The following PTPRS variants were observed in gnomAD, a reference collection of about 807,000 sequenced individuals.
The protein encoded by PTPRS is protein tyrosine phosphatase receptor type S, also known as receptor-type tyrosine-protein phosphatase S.
PTPRS carries 63 observed loss-of-function variants against 215.3 expected under a neutral mutation model. That is an observed-to-expected ratio of 0.29 (90% CI 0.24 to 0.36). The LOEUF (loss-of-function observed/expected upper bound fraction) is 0.36. Among genes scored for constraint, PTPRS ranks in the 10% least tolerant of loss-of-function variants. PTPRS has a pLI of 1.00. For missense variants in PTPRS, 2,258 were observed against 2,825.8 expected (o/e 0.80, Z 4.56); for synonymous variants, 1,404 against 1,191.4 (o/e 1.18, Z -3.68).
chr19:5,206,658 T>C lies in PTPRS; in HGVS notation c.*116A>G, dbSNP rs2040388428. The C allele has an allele frequency of 2.3e-6, 2 of 857,252 alleles. No homozygotes were observed. Among genetic ancestry groups the C allele is most frequent in the Non-Finnish European group, 3.8e-6 (2 of 529,558 alleles). The allele number at this position is 857,252 out of a possible 1,614,324, so 53.1% of individuals were successfully genotyped here. On this transcript the variant is annotated 3_prime_UTR_variant, in exon 38 of 38. Coordinates refer to ENST00000262963, the MANE Select transcript of PTPRS (RefSeq NM_002850.4). ...CTCGGAAATGGTGCAGAAACACAGC[T>C]GCTGCCGCTGCCACCTCCTGCCCTG...
At chr19:5,255,191 G>A (rs1484608728) in intron 9 of PTPRS, among the ~76,000 whole-genome samples, 3 of 152,182 alleles carry the variant, frequency 2.0e-5, no homozygotes, top group African/African-American at 7.2e-5. Context: ...CTACCTCTGG[G>A]GAAAGAGGAG....
chr19:5,292,559 C>A (rs2048908918), intron 1 of PTPRS, among the ~76,000 whole-genome samples: 1 of 152,206 alleles, frequency 6.6e-6, no homozygotes, highest in African/African-American at 2.4e-5. Context: ...CACCACAGGC[C>A]CCTCCCTGAG....
intron 1 of PTPRS, among the ~76,000 whole-genome samples, chr19:5,314,166 C>T (rs1293543435): frequency 1.3e-5 from 2 of 152,092 alleles, no homozygotes; most frequent in Middle Eastern, 3.2e-3. Context: ...ACAGCTTCAG[C>T]TGAGTTCAGT....
At chr19:5,206,908 C>T in intron 37 of PTPRS, 66 bp from the exon 38 acceptor site, 1 of 1,481,418 alleles carries the variant, frequency 6.8e-7, no homozygotes, top group South Asian at 1.1e-5. Flanking sequence ...CTCCCTATCG[C>T]CCTCAGGAGC....
At chr19:5,337,473 C>T (rs2147327869) in intron 1 of PTPRS, among the ~76,000 whole-genome samples, 1 of 152,340 alleles carries the variant, frequency 6.6e-6, no homozygotes, top group Admixed American at 6.5e-5. Context: ...GAATAATCAG[C>T]GAAGCCACAG....
rs1408799330 is a variant in PTPRS, at chr19:5,210,104, T to C, written c.5487+365A>G. Among the ~76,000 whole-genome samples, 1 of 152,122 alleles carries C rather than the reference T, an allele frequency of 6.6e-6. No individual in the cohort carries two copies. The highest frequency in any genetic ancestry group is 1.5e-5 in the Non-Finnish European group (1 of 68,018). The stretch of plus-strand genomic sequence containing the variant: ...CACCCAACGGTGCCAGTCCCCACCA[T>C]CTGACTCTCCTTGTCCACCGTCTAC... On this transcript the variant is annotated intron_variant, in intron 35 of 37. Coordinates refer to ENST00000262963, the MANE Select transcript of PTPRS (RefSeq NM_002850.4). This position sits in a 1 kb window ranked among gnomAD's most constrained non-coding sequence, Gnocchi z 4.5.
chr19:5,231,325 G>A lies in PTPRS; in HGVS notation c.2140C>T (p.Arg714Cys), dbSNP rs776822913. The A allele has an allele frequency of 7.5e-6, 12 of 1,608,794 alleles. No homozygotes were observed. Among genetic ancestry groups the A allele is most frequent in the African/African-American group, 1.3e-5 (1 of 74,874 alleles). The change falls in exon 14 of 38, where the codon CGC becomes TGC. Residue 714 changes from arginine to cysteine, a missense_variant. Coordinates refer to ENST00000262963, the MANE Select transcript of PTPRS (RefSeq NM_002850.4). ...AGGTACTTACCATCCTCGTCGGTGC[G>A]GACGACCACGGGCGAGCTCTCGGGC... ...PGPESSPVVV[R>C]TDEDVPSAPP...
intron 14 of PTPRS, 73 bp from the exon 15 acceptor site, chr19:5,229,757 C>G: frequency 2.1e-6 from 2 of 948,950 alleles, no homozygotes; most frequent in Non-Finnish European, 2.7e-6. Context: ...CCGGGCAGTG[C>G]CACTGTCCGA....
chr19:5,243,752 G>A (rs541364707), intron 11 of PTPRS, 149 bp downstream of exon 11: 6 of 801,442 alleles, frequency 7.5e-6, no homozygotes, highest in African/African-American at 1.8e-5. Flanking sequence ...GATTACAGGC[G>A]TAAACCACCA....
Position 5,206,842 on chromosome 19 carries a change from C to G in PTPRS, c.5779G>C (p.Asp1927His), listed in dbSNP as rs1230180081. 1.9e-6 allele frequency: 3 copies of G among 1,613,932 alleles called. No individual in the cohort carries two copies. The highest frequency in any genetic ancestry group is 2.5e-6 in the Non-Finnish European group (3 of 1,179,942). ...TQRPAMVQTE[D>H]EYQFCYQAAL... is the part of the protein sequence containing the mutation. ...GCCTGGTAACAGAACTGGTACTCAT[C>G]CTGGGGGAGCAGAGGTGACCTGTTA... The change falls in exon 38 of 38, where the codon GAT becomes CAT. Residue 1927 changes from aspartate to histidine, a missense_variant and splice_region_variant. By Grantham distance (81) the Asp-to-His change is moderately conservative. Transcript: ENST00000262963.
intron 26 of PTPRS, 102 bp downstream of exon 26, chr19:5,216,618 G>T (rs1326984973): frequency 9.8e-7 from 1 of 1,016,088 alleles, no homozygotes; most frequent in Non-Finnish European, 1.5e-6. Flanking sequence ...GCCGGTGATG[G>T]GTGGGCGTGT....
At chr19:5,243,584 A>T (rs1476351868) in intron 11 of PTPRS, among the ~76,000 whole-genome samples, 1 of 151,664 alleles carries the variant, frequency 6.6e-6, no homozygotes, top group Non-Finnish European at 1.5e-5. Context: ...GGTTCAAGTG[A>T]TTCTCCTGCC....
intron 1 of PTPRS, among the ~76,000 whole-genome samples, chr19:5,290,955 A>C (rs184476023): frequency 1.1e-3 from 167 of 151,884 alleles, no homozygotes; most frequent in African/African-American, 3.9e-3. Flanking sequence ...CAGCAAGCAC[A>C]GGCTCTGTGG....
At position 5,315,359 on chromosome 19, in the gene PTPRS, T is replaced by C. The variant is rs1376794754; in HGVS notation, c.-95+25305A>G. Among the ~76,000 whole-genome samples the C allele has an allele frequency of 3.0e-3, 258 of 85,594 alleles. 22 individuals carry two copies. Among genetic ancestry groups the C allele is most frequent in the East Asian group, 0.02 (65 of 3,256 alleles). The allele number at this position is 85,594 out of a possible 152,430, so 56.2% of individuals were successfully genotyped here. On this transcript the variant is annotated intron_variant, in intron 1 of 37. Transcript: ENST00000262963. ...ATTTTTATTTGAAAAGGGTTTTTTT[T>C]TTTTTTTTTTTTTTTTTTTTTTGAG...
In PTPRS at chr19:5,206,825, A is replaced by G. The variant is rs780460108; in HGVS notation, c.5796T>C (p.Cys1932=). ...CGAGGTACTCCAGTGCCGCCTGGTA[A>G]CAGAACTGGTACTCATCCTGGGGGA... The part of the protein sequence containing the change: ...MVQTEDEYQF[C]YQAALEYLGS... The change falls in exon 38 of 38, where the codon TGT becomes TGC. Residue 1932 remains cysteine, a synonymous_variant. Coordinates refer to ENST00000262963, the MANE Select transcript of PTPRS (RefSeq NM_002850.4). 5.6e-6 allele frequency: 9 copies of G among 1,614,062 alleles called. No individual in the cohort carries two copies. Among genetic ancestry groups the G allele is most frequent in the African/African-American group, 2.7e-5 (2 of 75,034 alleles).
intron 2 of PTPRS, chr19:5,277,968 G>A (rs1190306311): frequency 6.7e-6 from 10 of 1,481,624 alleles, no homozygotes; most frequent in Non-Finnish European, 8.4e-6. Flanking sequence ...GAAGTTCCTG[G>A]TCCCCAGCGT....
intron 1 of PTPRS, among the ~76,000 whole-genome samples, chr19:5,291,764 C>T (rs542690998): frequency 1.3e-5 from 2 of 152,100 alleles, no homozygotes; most frequent in African/African-American, 4.8e-5. Context: ...AGCCCCGTTC[C>T]TCCTCTGCTC....
Position 5,231,489 on chromosome 19 carries a change from C to T in PTPRS, c.1976G>A (p.Arg659Gln), listed in dbSNP as rs889829498. ...GALVGYSVRY[R>Q]PLGSEDPEPK... ...TTCCGGGTCCTCTGAGCCCAGCGGT[C>T]GGTAGCGGACGCTGTAGCCCACCAG... is the stretch of plus-strand genomic sequence containing the variant. The change falls in exon 14 of 38, where the codon CGA becomes CAA. Residue 659 changes from arginine to glutamine, a missense_variant. By Grantham distance (43) the Arg-to-Gln change is conservative (BLOSUM62 1). This residue lies in a region of PTPRS where 371 missense variants were observed against 446.7 expected (regional missense o/e 0.83). Coordinates refer to ENST00000262963, the MANE Select transcript of PTPRS (RefSeq NM_002850.4). 1.9e-6 allele frequency: 3 copies of T among 1,612,586 alleles called. No individual in the cohort carries two copies. The highest frequency in any genetic ancestry group is 2.5e-6 in the Non-Finnish European group (3 of 1,179,872).
chr19:5,220,918 CAG>C, intron 20 of PTPRS, 80 bp downstream of exon 20: 1 of 1,483,788 alleles, frequency 6.7e-7, no homozygotes, highest in Admixed American at 2.1e-5. Flanking sequence ...AATTGAGGCA[CAG>C]AGAGGGCACG....
Sources: gnomAD v4.1 joint callset for allele counts (sites outside exome capture counted in the v4.1 genomes callset) on GRCh38, gnomAD v4.1.1 for gene constraint, gnomAD v4.1.1 regional missense constraint, Gnocchi (gnomAD v3.1) non-coding constraint, MANE v1.5 for transcripts, NCBI Gene and HGNC (gene_info 2026-07-23, HGNC 2026-07-21) for gene names.